HS2ST1: variants seen among roughly 807,000 people sequenced by gnomAD.
HS2ST1 encodes the protein 2-O-sulfotransferase.
HS2ST1 carries 18 observed loss-of-function variants against 42.9 expected under a neutral mutation model. That is an observed-to-expected ratio of 0.42 (90% CI 0.29 to 0.62). The LOEUF is 0.62. Ranked by LOEUF, HS2ST1 falls within the 20% of genes least tolerant of loss-of-function variation. HS2ST1 has a pLI of 0.21. For missense variants in HS2ST1, 334 were observed against 433.8 expected (o/e 0.77, Z 2.04); for synonymous variants, 146 against 152.9 (o/e 0.95, Z 0.33).
At chr1:87,035,330 T>A (rs1650346243) in intron 1 of HS2ST1, among the ~76,000 whole-genome samples, 1 of 152,244 alleles carries the variant, frequency 6.6e-6, no homozygotes, top group African/African-American at 2.4e-5. Context: ...GTAGTACTTC[T>A]AATTATTCTT....
chr1:87,095,619 A>G (rs1461135215), intron 4 of HS2ST1, among the ~76,000 whole-genome samples: 2 of 152,182 alleles, frequency 1.3e-5, no homozygotes, highest in Non-Finnish European at 2.9e-5. Context: ...AAGTAATCCA[A>G]AGATGAGCAT....
rs1652305310 is a variant in HS2ST1 at position 87,105,330 on chromosome 1, C to T, written c.*634C>T. 1 of 152,526 alleles carries T rather than the reference C, an allele frequency of 6.6e-6. No individual in the cohort carries two copies. 9.4% of individuals were successfully genotyped at this position (152,526 alleles called of 1,614,324 possible). On this transcript the variant is annotated 3_prime_UTR_variant, in exon 7 of 7. Coordinates refer to ENST00000370550, the MANE Select transcript of HS2ST1 (RefSeq NM_012262.4). ...TGACTAATATGGTAAAAAGATAAAG[C>T]ATCAAAGCAGTATTTCTCATTCCTG...
At chr1:86,939,630 T>C (rs923511213) in intron 1 of HS2ST1, among the ~76,000 whole-genome samples, 3 of 152,190 alleles carry the variant, frequency 2.0e-5, no homozygotes, top group Non-Finnish European at 4.4e-5. Context: ...GGAAGATTGA[T>C]TGATTGCCTT....
chr1:87,090,471 A>G (rs1017763332), intron 3 of HS2ST1, among the ~76,000 whole-genome samples: 1 of 152,024 alleles, frequency 6.6e-6, no homozygotes, highest in Admixed American at 6.6e-5. Context: ...TTACAGGAGA[A>G]ACACTAGTAG....
intron 1 of HS2ST1, chr1:87,046,262 C>G: frequency 2.6e-6 from 2 of 769,416 alleles, no homozygotes; most frequent in South Asian, 2.7e-5. Context: ...CCAAGTGTTA[C>G]GAATGTCATC....
At chr1:86,994,335 A>T (rs992086337) in intron 1 of HS2ST1, among the ~76,000 whole-genome samples, 1 of 152,118 alleles carries the variant, frequency 6.6e-6, no homozygotes, top group Non-Finnish European at 1.5e-5. Flanking sequence ...TTTATTTTCA[A>T]TGCTTTTTAG....
In HS2ST1 at chr1:86,928,483, A is replaced by G. The variant is rs951500154; in HGVS notation, c.124+13323A>G. ...GATTTATATTCTGTATTTGGGTGTT[A>G]AGAAAGTGCCTCCAATTGCCAGTAT... On this transcript the variant is annotated intron_variant, in intron 1 of 6. Transcript: ENST00000370550. Among the ~76,000 whole-genome samples the G allele has an allele frequency of 2.6e-5, 4 of 151,930 alleles. No homozygotes were observed. The South Asian group carries it at 6.2e-4, about 24-fold the overall frequency.
At chr1:86,944,901 T>G (rs1647284347) in intron 1 of HS2ST1, among the ~76,000 whole-genome samples, 1 of 151,898 alleles carries the variant, frequency 6.6e-6, no homozygotes. Flanking sequence ...ACTCCGCTGT[T>G]TTTACCCCAC....
chr1:86,938,650 G>T (rs1660701709), intron 1 of HS2ST1, among the ~76,000 whole-genome samples: 1 of 152,070 alleles, frequency 6.6e-6, no homozygotes, highest in African/African-American at 2.4e-5. Flanking sequence ...CAATAAGTCA[G>T]TGAATGTTGG....
chr1:86,937,376 A>G (rs1355165765), intron 1 of HS2ST1, among the ~76,000 whole-genome samples: 1 of 152,206 alleles, frequency 6.6e-6, no homozygotes, highest in Non-Finnish European at 1.5e-5. Flanking sequence ...TTAATATTTT[A>G]TATTTAAATA....
intron 2 of HS2ST1, among the ~76,000 whole-genome samples, chr1:87,082,259 G>A (rs1220650182): frequency 6.6e-6 from 1 of 152,144 alleles, no homozygotes; most frequent in East Asian, 1.9e-4. Context: ...CTCAGGAGAG[G>A]GTTTAGTTTA....
At chr1:87,029,321 C>T (rs1199355432) in intron 1 of HS2ST1, among the ~76,000 whole-genome samples, 3 of 152,106 alleles carry the variant, frequency 2.0e-5, no homozygotes, top group Admixed American at 6.5e-5. Flanking sequence ...ATTAGAATTT[C>T]TACACATGGT....
intron 1 of HS2ST1, among the ~76,000 whole-genome samples, chr1:86,915,671 G>A (rs1315771838): frequency 6.6e-6 from 1 of 152,222 alleles, no homozygotes. Flanking sequence ...AGAGCAACAT[G>A]TGAACACTGT....
At chr1:87,094,626 G>A (rs756023166) in intron 4 of HS2ST1, among the ~76,000 whole-genome samples, 6 of 152,104 alleles carry the variant, frequency 3.9e-5, no homozygotes, top group South Asian at 2.1e-4. Context: ...GAGAAGAAAT[G>A]CAACATGTCA....
intron 1 of HS2ST1, among the ~76,000 whole-genome samples, chr1:87,057,638 T>G (rs1202151916): frequency 6.7e-6 from 1 of 149,252 alleles, no homozygotes; most frequent in Non-Finnish European, 1.5e-5. Flanking sequence ...GATCACGAGG[T>G]CAGGAGATCG....
chr1:87,104,404 G>T (rs1652284009), intron 6 of HS2ST1, 66 bp from the exon 7 acceptor site: 2 of 944,666 alleles, frequency 2.1e-6, no homozygotes, highest in Non-Finnish European at 3.4e-6. Context: ...AAATAAAGAG[G>T]CATTGATCTT....
intron 1 of HS2ST1, among the ~76,000 whole-genome samples, chr1:86,984,900 C>A (rs1648709880): frequency 1.3e-5 from 1 of 74,326 alleles, no homozygotes; most frequent in Non-Finnish European, 3.0e-5. Context: ...GAAGAAATCT[C>A]CGTCTCAAAA....
chr1:87,066,965 T>C (rs781174823), intron 1 of HS2ST1, among the ~76,000 whole-genome samples: 7 of 152,216 alleles, frequency 4.6e-5, no homozygotes, highest in Non-Finnish European at 8.8e-5. Context: ...TTATCCAGTC[T>C]ATCATTGATG....
chr1:86,984,176 A>G (rs758282443), intron 1 of HS2ST1, among the ~76,000 whole-genome samples: 12 of 152,246 alleles, frequency 7.9e-5, no homozygotes, highest in Admixed American at 6.5e-5. Context: ...ATTGAAGCCC[A>G]GGAGAGTCAG....
Sources: allele counts gnomAD v4.1 joint callset (sites outside exome capture counted in the v4.1 genomes callset), GRCh38; gene constraint gnomAD v4.1.1; transcripts MANE v1.5; gene names NCBI Gene and HGNC (gene_info 2026-07-23, HGNC 2026-07-21).